NBEAL1: variants seen among roughly 807,000 people sequenced by gnomAD.
NBEAL1 encodes neurobeachin-like protein 1.
In NBEAL1, 273 loss-of-function variants were observed where a neutral mutation model predicts 351.3. The observed-to-expected ratio is 0.78, with a 90% CI of 0.70 to 0.86. The LOEUF (loss-of-function observed/expected upper bound fraction) is 0.86. Ranked by LOEUF, NBEAL1 falls within the 40% of genes least tolerant of loss-of-function variation. NBEAL1 has a pLI of 0.00. For synonymous variants in NBEAL1, 1,050 were observed against 1,086.4 expected, an observed-to-expected ratio of 0.97 and a Z score of 0.66; for missense variants, 2,961 against 3,201.3, an observed-to-expected ratio of 0.92 and a Z score of 1.81.
intron 7 of NBEAL1, among the ~76,000 whole-genome samples, chr2:203,073,305 G>A (rs934717263): frequency 6.6e-6 from 1 of 152,186 alleles, no homozygotes; most frequent in African/African-American, 2.4e-5. Context: ...TGTCTTTCAA[G>A]GAATTTGTGT....
intron 52 of NBEAL1, 51 bp downstream of exon 52, chr2:203,208,804 A>G (rs2065686603): frequency 2.2e-6 from 3 of 1,361,370 alleles, no homozygotes; most frequent in Admixed American, 2.3e-5. Flanking sequence ...CAAATTTATT[A>G]CCAACACTTA....
At chr2:203,046,363 C>T (rs1372797931) in intron 3 of NBEAL1, among the ~76,000 whole-genome samples, 1 of 151,940 alleles carries the variant, frequency 6.6e-6, no homozygotes, top group African/African-American at 2.4e-5. Flanking sequence ...CTACAGGCAC[C>T]CGCCACCACG....
chr2:203,164,307 A>G (rs907700201), intron 36 of NBEAL1, among the ~76,000 whole-genome samples: 3 of 152,008 alleles, frequency 2.0e-5, no homozygotes, highest in African/African-American at 7.2e-5. Flanking sequence ...TGGTGGCATA[A>G]TCAGGACTTT....
rs1575122749 is a variant in NBEAL1 at position 203,201,806 on chromosome 2, A to C, written c.7411+91A>C. The C allele has an allele frequency of 1.7e-5, 18 of 1,062,280 alleles. No homozygotes were observed. The East Asian group carries it at 4.5e-4, about 26-fold the overall frequency. The allele number at this position is 1,062,280 out of a possible 1,614,324, so 65.8% of individuals were successfully genotyped here. On this transcript the variant is annotated intron_variant, in intron 50 of 55. Coordinates refer to ENST00000683969, the MANE Select transcript of NBEAL1 (RefSeq NM_001378026.1). Reference sequence around the variant, plus strand: ...TACGTGCTCTTTGTAAAGAGCATTAAATTTTACCTTTGAAGCTGAGTGAAC... The same window carrying C: ...TACGTGCTCTTTGTAAAGAGCATTACATTTTACCTTTGAAGCTGAGTGAAC...
chr2:203,022,574 C>G (rs1279179625), intron 2 of NBEAL1, among the ~76,000 whole-genome samples: 2 of 151,920 alleles, frequency 1.3e-5, no homozygotes, highest in Non-Finnish European at 2.9e-5. Context: ...ACATATCTGT[C>G]AAAATTTTTT....
intron 12 of NBEAL1, among the ~76,000 whole-genome samples, chr2:203,105,930 CCTTT>C (rs1397377353): frequency 6.6e-6 from 1 of 151,960 alleles, no homozygotes; most frequent in African/African-American, 2.4e-5. Flanking sequence ...AAATAATGAC[CCTTT>C]ATTTAGTCAG....
chr2:203,039,425 A>T (rs2061100796), intron 2 of NBEAL1, among the ~76,000 whole-genome samples: 1 of 141,298 alleles, frequency 7.1e-6, no homozygotes, highest in Non-Finnish European at 1.6e-5. Context: ...CCTTTCCGAG[A>T]TAGAGTCTTG....
At chr2:203,129,205 A>G (rs2063017042) in intron 24 of NBEAL1, among the ~76,000 whole-genome samples, 1 of 152,150 alleles carries the variant, frequency 6.6e-6, no homozygotes. Flanking sequence ...GGAAATTTAT[A>G]TTCAGAGAGA....
chr2:203,020,739 C>A (rs771994335), intron 2 of NBEAL1, among the ~76,000 whole-genome samples: 6 of 151,456 alleles, frequency 4.0e-5, no homozygotes, highest in Non-Finnish European at 5.9e-5. Flanking sequence ...AAATGGTTGT[C>A]CCCACCCAGG....
chr2:203,098,699 A>G (rs1372939362), intron 11 of NBEAL1, among the ~76,000 whole-genome samples: 1 of 152,140 alleles, frequency 6.6e-6, no homozygotes, highest in Non-Finnish European at 1.5e-5. Context: ...TTATTTTTTC[A>G]TACAACTTTT....
intron 51 of NBEAL1, among the ~76,000 whole-genome samples, chr2:203,207,936 ACAGT>A (rs763070189): frequency 6.6e-6 from 1 of 152,246 alleles, no homozygotes; most frequent in African/African-American, 2.4e-5. Context: ...AAAATCAAAG[ACAGT>A]CAGCATAAAG....
intron 6 of NBEAL1, among the ~76,000 whole-genome samples, chr2:203,058,018 AT>A (rs909479688): frequency 1.3e-5 from 2 of 151,354 alleles, no homozygotes; most frequent in African/African-American, 2.4e-5. Context: ...TAATTTTTAT[AT>A]TTTTAGTAGA....
At chr2:203,180,944 T>C (rs2064697720) in intron 43 of NBEAL1, 1 of 129,738 alleles carries the variant, frequency 7.7e-6, no homozygotes, top group African/African-American at 2.8e-5. Flanking sequence ...TTTTTTTTTT[T>C]TTTTTTTTTT....
At chr2:203,078,244 GT>G (rs893909782) in intron 8 of NBEAL1, among the ~76,000 whole-genome samples, 6 of 150,496 alleles carry the variant, frequency 4.0e-5, no homozygotes, top group Admixed American at 6.6e-5. Context: ...AAGTGTATAT[GT>G]TTTTTTTTCA....
chr2:203,222,420 T>C lies in NBEAL1; in HGVS notation c.*5066T>C, dbSNP rs985862131. Among the ~76,000 whole-genome samples the C allele has an allele frequency of 1.3e-5, 2 of 152,224 alleles. No individual in the cohort carries two copies. The highest frequency in any genetic ancestry group is 4.8e-5 in the African/African-American group (2 of 41,462). On this transcript the variant is annotated 3_prime_UTR_variant, in exon 56 of 56. Transcript: ENST00000683969. Reference sequence around the variant, plus strand: ...ATAGAAATTTGTCCATTTATCTTTATATACCAGATCCAATATTCAGACTTA... The same window carrying C: ...ATAGAAATTTGTCCATTTATCTTTACATACCAGATCCAATATTCAGACTTA...
intron 10 of NBEAL1, among the ~76,000 whole-genome samples, chr2:203,090,268 T>G (rs944666998): frequency 2.0e-5 from 3 of 152,162 alleles, no homozygotes; most frequent in African/African-American, 7.2e-5. Flanking sequence ...TTCCATGAAC[T>G]CTAGGTTTTT....
At chr2:203,116,369 A>G (rs1035114438) in intron 18 of NBEAL1, among the ~76,000 whole-genome samples, 1 of 152,196 alleles carries the variant, frequency 6.6e-6, no homozygotes, top group African/African-American at 2.4e-5. Flanking sequence ...TTGTATTCTC[A>G]TAGTTTACTG....
chr2:203,165,299 T>G (rs944410475), intron 36 of NBEAL1, among the ~76,000 whole-genome samples: 7 of 152,232 alleles, frequency 4.6e-5, no homozygotes, highest in African/African-American at 1.4e-4. Context: ...GGTATGGCAA[T>G]AGTAGCTCTT....
chr2:203,041,684 A>T, intron 2 of NBEAL1, 81 bp from the exon 3 acceptor site: 1 of 822,068 alleles, frequency 1.2e-6, no homozygotes, highest in Non-Finnish European at 2.0e-6. Flanking sequence ...TTGATTCTTT[A>T]GGTATCTGCT....
Sources: allele counts gnomAD v4.1 joint callset (sites outside exome capture counted in the v4.1 genomes callset), GRCh38; gene constraint gnomAD v4.1.1; transcripts MANE v1.5; gene names NCBI Gene and HGNC (gene_info 2026-07-23, HGNC 2026-07-21).